The following MEGF11 variants were observed in gnomAD, a reference collection of about 807,000 sequenced individuals.
MEGF11 encodes multiple EGF like domains 11.
In MEGF11, 126 loss-of-function variants were observed where a neutral mutation model predicts 146.6. That is an observed-to-expected ratio of 0.86 (90% CI 0.74 to 1.00). MEGF11 has a LOEUF of 1.00. Among genes scored for constraint, MEGF11 ranks in the 50% least tolerant of loss-of-function variants. The pLI is 0.00. For synonymous variants in MEGF11, 532 were observed against 583.4 expected, an observed-to-expected ratio of 0.91 and a Z score of 1.27; for missense variants, 1,509 against 1,521.2, an observed-to-expected ratio of 0.99 and a Z score of 0.13.
At chr15:66,196,332 C>T (rs1163308731) in intron 1 of MEGF11, among the ~76,000 whole-genome samples, 3 of 151,988 alleles carry the variant, frequency 2.0e-5, no homozygotes, top group Non-Finnish European at 4.4e-5. Flanking sequence ...ATTAGCCGGG[C>T]ATGGTGTCGG....
chr15:66,121,854 G>A (rs540647149), intron 3 of MEGF11, among the ~76,000 whole-genome samples: 39 of 152,282 alleles, frequency 2.6e-4, no homozygotes, highest in East Asian at 3.9e-4. Context: ...TAACCAGGCC[G>A]CTAAAGAAAT....
At chr15:65,959,077 TG>T (rs113802414) in intron 9 of MEGF11, among the ~76,000 whole-genome samples, 629 of 152,344 alleles carry the variant, frequency 4.1e-3, no homozygotes, top group African/African-American at 0.014. Flanking sequence ...GGTGAATATT[TG>T]GGAAATGAAT....
chr15:66,082,513 CTATA>C (rs1567232426), intron 5 of MEGF11, among the ~76,000 whole-genome samples: 1 of 108,356 alleles, frequency 9.2e-6, no homozygotes, highest in Non-Finnish European at 1.8e-5. Context: ...ATCTATCTAT[CTATA>C]AATAAATTAG....
chr15:66,195,782 AAAGCCCC>A (rs1431577609), intron 1 of MEGF11, among the ~76,000 whole-genome samples: 3 of 152,224 alleles, frequency 2.0e-5, no homozygotes, highest in Admixed American at 2.0e-4. Flanking sequence ...CTGTGTCAGA[AAAGCCCC>A]AGGACAGGAA....
chr15:66,241,373 A>G (rs1049773449), intron 1 of MEGF11, among the ~76,000 whole-genome samples: 1 of 152,230 alleles, frequency 6.6e-6, no homozygotes, highest in South Asian at 2.1e-4. Context: ...TAAAACAGAG[A>G]AAAATTCTTA....
intron 10 of MEGF11, among the ~76,000 whole-genome samples, chr15:65,948,777 C>G (rs1046877607): frequency 1.3e-5 from 2 of 152,122 alleles, no homozygotes; most frequent in Non-Finnish European, 2.9e-5. Flanking sequence ...TAAGTAACTC[C>G]AACAAGACCA....
At chr15:66,253,414 T>C (rs1023007106) in intron 1 of MEGF11, among the ~76,000 whole-genome samples, 191 bp downstream of exon 1, 1 of 152,096 alleles carries the variant, frequency 6.6e-6, no homozygotes, top group Non-Finnish European at 1.5e-5. Context: ...GGCATCCACC[T>C]ACTCCCGGAG....
chr15:66,108,233 G>A (rs1197660399), intron 4 of MEGF11, among the ~76,000 whole-genome samples: 1 of 152,226 alleles, frequency 6.6e-6, no homozygotes, highest in Non-Finnish European at 1.5e-5. Context: ...CGCACCTGGA[G>A]TGGGCAGCCC....
intron 1 of MEGF11, among the ~76,000 whole-genome samples, chr15:66,147,113 A>G (rs891397509): frequency 4.6e-5 from 7 of 152,104 alleles, no homozygotes; most frequent in Non-Finnish European, 1.0e-4. Flanking sequence ...GACACCCAAA[A>G]GTGAGCCTCA....
At chr15:66,066,655 C>T (rs981402087) in intron 5 of MEGF11, among the ~76,000 whole-genome samples, 2 of 152,180 alleles carry the variant, frequency 1.3e-5, no homozygotes, top group Non-Finnish European at 2.9e-5. Context: ...GGCTGCGAGT[C>T]CCTGCCATCT....
chr15:66,024,561 T>C (rs1047559257), intron 5 of MEGF11, among the ~76,000 whole-genome samples: 1 of 152,244 alleles, frequency 6.6e-6, no homozygotes, highest in African/African-American at 2.4e-5. Flanking sequence ...TGTTAGGCCC[T>C]TTACATGCAT....
rs577359438 is a variant in MEGF11, at chr15:65,998,538, C to T, written c.395-16050G>A. On this transcript the variant is annotated intron_variant, in intron 5 of 25. Coordinates refer to ENST00000395614, the MANE Select transcript of MEGF11 (RefSeq NM_001385028.1). ...CGGAGGCCTCACTAAATATAGTTCC[C>T]CTCATTGTTATTTATGTCTCTGGGT... is the stretch of plus-strand genomic sequence containing the variant. Among the ~76,000 whole-genome samples, 4 of 152,274 alleles carry T rather than the reference C, an allele frequency of 2.6e-5. No homozygotes were observed. The East Asian group carries it at 7.7e-4, about 29-fold the overall frequency.
chr15:66,040,394 C>T (rs528468661), intron 5 of MEGF11: 20 of 153,946 alleles, frequency 1.3e-4, no homozygotes, highest in African/African-American at 4.1e-4. Context: ...TTCGTCAGCA[C>T]ACTAAAACAA....
chr15:66,082,632 T>C (rs1314275751), intron 5 of MEGF11, among the ~76,000 whole-genome samples: 2 of 127,594 alleles, frequency 1.6e-5, no homozygotes, highest in Non-Finnish European at 3.1e-5. Context: ...ATCGTGCCAC[T>C]GTATTCTGTA....
At chr15:65,963,082 G>C (rs2080923548) in intron 9 of MEGF11, among the ~76,000 whole-genome samples, 1 of 152,124 alleles carries the variant, frequency 6.6e-6, no homozygotes, top group Non-Finnish European at 1.5e-5. Flanking sequence ...TTTGGGGCTT[G>C]GTTAGATTTC....
chr15:65,952,350 G>A (rs1271010351), intron 10 of MEGF11, among the ~76,000 whole-genome samples: 1 of 152,158 alleles, frequency 6.6e-6, no homozygotes, highest in Admixed American at 6.5e-5. Context: ...ACAGAGAGGG[G>A]TGATGTGATG....
At chr15:65,946,305 G>A (rs1454817440) in intron 10 of MEGF11, among the ~76,000 whole-genome samples, 1 of 152,206 alleles carries the variant, frequency 6.6e-6, no homozygotes, top group Non-Finnish European at 1.5e-5. Context: ...CCCAGGAGGT[G>A]AATGGCAAGG....
intron 1 of MEGF11, among the ~76,000 whole-genome samples, chr15:66,251,114 G>C (rs2092364309): frequency 1.3e-5 from 2 of 152,156 alleles, no homozygotes; most frequent in South Asian, 4.1e-4. Flanking sequence ...TTCTGAGCTT[G>C]AGCTCTGAGC....
At chr15:66,203,313 C>A (rs978946440) in intron 1 of MEGF11, among the ~76,000 whole-genome samples, 2 of 152,228 alleles carry the variant, frequency 1.3e-5, no homozygotes, top group Non-Finnish European at 2.9e-5. Flanking sequence ...ATGATAAATT[C>A]TTTGCAGTGG....
Sources: gnomAD v4.1 joint callset for allele counts (sites outside exome capture counted in the v4.1 genomes callset) on GRCh38, gnomAD v4.1.1 for gene constraint, MANE v1.5 for transcripts, NCBI Gene and HGNC (gene_info 2026-07-23, HGNC 2026-07-21) for gene names.